The following NEK1 variants were observed in gnomAD, a reference collection of about 807,000 sequenced individuals.
The protein encoded by NEK1 is NIMA related kinase 1, also known as serine/threonine-protein kinase Nek1.
A neutral mutation model predicts 182.1 loss-of-function variants in NEK1; 137 were observed. That is an observed-to-expected ratio of 0.75 (90% CI 0.65 to 0.87). The LOEUF (loss-of-function observed/expected upper bound fraction) is 0.87. NEK1 is among the 40% of genes least tolerant of loss of function. The pLI is 0.00. For missense variants in NEK1, 1,391 were observed against 1,494.4 expected, an observed-to-expected ratio of 0.93 and a Z score of 1.14; for synonymous variants, 513 against 492.2, an observed-to-expected ratio of 1.04 and a Z score of -0.56.
chr4:169,580,246 C>T (rs6839723), intron 11 of NEK1, among the ~76,000 whole-genome samples: 10,849 of 152,106 alleles, frequency 0.071, 1,267 homozygotes, highest in African/African-American at 0.25. Flanking sequence ...CCTGTAATCT[C>T]AGCTCTTTGG....
intron 16 of NEK1, among the ~76,000 whole-genome samples, chr4:169,559,046 G>A (rs553110469): frequency 3.4e-4 from 52 of 152,134 alleles, no homozygotes; most frequent in African/African-American, 1.1e-3. Context: ...TTTAAATCAT[G>A]GAAAATAAAT....
Position 169,562,132 on chromosome 4 carries a change from T to C in NEK1, c.1080+5A>G. The C allele has an allele frequency of 4.6e-6, 7 of 1,526,398 alleles. No individual in the cohort carries two copies. Among genetic ancestry groups the C allele is most frequent in the South Asian group, 1.2e-5 (1 of 81,222 alleles). 94.6% of individuals were successfully genotyped at this position (1,526,398 alleles called of 1,614,324 possible). On this transcript the variant is annotated splice_donor_5th_base_variant and intron_variant, in intron 13 of 35. Coordinates refer to ENST00000507142, the MANE Select transcript of NEK1 (RefSeq NM_001199397.3). ...TTTAAAATAACCAGACAGATGTCTTTATACCTCAGATATTTTCCTCCTTTC... is the reference window on the plus strand; with the variant it reads ...TTTAAAATAACCAGACAGATGTCTTCATACCTCAGATATTTTCCTCCTTTC...
intron 10 of NEK1, among the ~76,000 whole-genome samples, chr4:169,584,342 T>G (rs1245900259): frequency 6.6e-6 from 1 of 152,192 alleles, no homozygotes; most frequent in Non-Finnish European, 1.5e-5. Flanking sequence ...CCAGGCGTGG[T>G]GGCTCATGCC....
chr4:169,597,460 A>G (rs1769708541), intron 5 of NEK1, among the ~76,000 whole-genome samples: 1 of 152,072 alleles, frequency 6.6e-6, no homozygotes, highest in South Asian at 2.1e-4. Context: ...CAAAAAAAAA[A>G]TAATAATAAA....
rs1024909455 is a variant in NEK1 at position 169,580,867 on chromosome 4, C to T, written c.843G>A (p.Ser281=). 17 of 1,530,518 alleles carry T rather than the reference C, an allele frequency of 1.1e-5. No individual in the cohort carries two copies. In the Admixed American group the frequency reaches 2.2e-4, roughly 20 times the overall value. The allele number at this position is 1,530,518 out of a possible 1,614,324, so 94.8% of individuals were successfully genotyped here. ...IAEEFCLKTF[S]KFGSQPIPAK... is the part of the protein sequence containing the mutation. ...CTGGTATAGGCTGTGATCCAAACTT[C>T]GAAAATGTTTTTAGACAAAATTCTT... Residue 281 remains serine (S), a synonymous_variant, in exon 11 of 36, where the codon TCG becomes TCA. Coordinates refer to ENST00000507142, the MANE Select transcript of NEK1 (RefSeq NM_001199397.3).
chr4:169,536,709 T>C (rs111518922), intron 19 of NEK1, among the ~76,000 whole-genome samples: 13,411 of 152,164 alleles, frequency 0.088, 757 homozygotes, highest in African/African-American at 0.16. Flanking sequence ...AGGAATGATG[T>C]TGAGAAAATA....
intron 18 of NEK1, among the ~76,000 whole-genome samples, chr4:169,553,883 T>C (rs1031755250): frequency 1.3e-5 from 2 of 152,234 alleles, no homozygotes; most frequent in Admixed American, 6.5e-5. Flanking sequence ...TCTTAATCAC[T>C]GCTGGCAGGA....
chr4:169,530,230 T>C (rs1468840551), intron 19 of NEK1, among the ~76,000 whole-genome samples: 1 of 152,194 alleles, frequency 6.6e-6, no homozygotes, highest in Non-Finnish European at 1.5e-5. Context: ...ATGAATATCA[T>C]TACAGTGCAG....
rs549081264 is a variant in NEK1 at position 169,597,827 on chromosome 4, G to A, written c.312+1273C>T. On this transcript the variant is annotated intron_variant, in intron 5 of 35. Transcript: ENST00000507142. Reference sequence around the variant, plus strand: ...CAGGCGCCTGTAGTCCCAGCTACTCGGGAGGCTGAGGCAGGAGAATGGCGT... The same window carrying A: ...CAGGCGCCTGTAGTCCCAGCTACTCAGGAGGCTGAGGCAGGAGAATGGCGT... Among the ~76,000 whole-genome samples, 376 of 152,108 alleles carry A rather than the reference G, an allele frequency of 2.5e-3. 2 individuals carry two copies. The highest frequency in any genetic ancestry group is 1.0e-2 in the South Asian group (48 of 4,814).
chr4:169,581,145 A>G (rs1324566118), intron 10 of NEK1, among the ~76,000 whole-genome samples: 1 of 151,262 alleles, frequency 6.6e-6, no homozygotes, highest in Non-Finnish European at 1.5e-5. Flanking sequence ...AAGGAGTTAG[A>G]GTTCAGCCCT....
chr4:169,610,317 T>G (rs1772110463), intron 2 of NEK1, among the ~76,000 whole-genome samples: 1 of 151,550 alleles, frequency 6.6e-6, no homozygotes, highest in Non-Finnish European at 1.5e-5. Context: ...TTTCTTTCTT[T>G]TTTTCTTTTT....
At chr4:169,429,410 T>TA (rs529896506) in intron 29 of NEK1, among the ~76,000 whole-genome samples, 32 of 152,192 alleles carry the variant, frequency 2.1e-4, no homozygotes, top group South Asian at 1.2e-3. Context: ...TTTAAAACGT[T>TA]AAAAAAACTG....
chr4:169,396,100 T>C (rs1730641498), intron 35 of NEK1, among the ~76,000 whole-genome samples: 1 of 152,038 alleles, frequency 6.6e-6, no homozygotes, highest in Non-Finnish European at 1.5e-5. Context: ...GCATAGTGGC[T>C]CATGCCTGTA....
intron 12 of NEK1, among the ~76,000 whole-genome samples, chr4:169,566,042 A>G (rs534469039): frequency 4.2e-4 from 64 of 152,340 alleles, no homozygotes; most frequent in Admixed American, 1.2e-3. Flanking sequence ...AGAGCCCTAC[A>G]TTCCATATTT....
chr4:169,458,606 T>C (rs1743349377), intron 27 of NEK1, among the ~76,000 whole-genome samples: 1 of 151,866 alleles, frequency 6.6e-6, no homozygotes, highest in Non-Finnish European at 1.5e-5. Flanking sequence ...TGCACACTGG[T>C]GGTCCCAGCT....
chr4:169,533,878 C>T (rs1016247537), intron 19 of NEK1, among the ~76,000 whole-genome samples: 8 of 152,136 alleles, frequency 5.3e-5, no homozygotes, highest in African/African-American at 1.7e-4. Context: ...GATAAGTACT[C>T]ACATTGAAAG....
rs72692984 is a variant in NEK1, at chr4:169,588,268, T to C, written c.551+381A>G. 3.9e-3 allele frequency among the ~76,000 whole-genome samples: 601 copies of C among 152,218 alleles called. 5 individuals are homozygous for C. The highest frequency in any genetic ancestry group is 0.03 in the South Asian group (144 of 4,824). On this transcript the variant is annotated intron_variant, in intron 8 of 35. Coordinates refer to ENST00000507142, the MANE Select transcript of NEK1 (RefSeq NM_001199397.3). ...TTCCTTATAAGAAGAGGAGGAATGA[T>C]TAATACCTACATCTCCCAAAATTAT...
At chr4:169,538,470 T>C (rs1222586204) in intron 18 of NEK1, among the ~76,000 whole-genome samples, 2 of 152,224 alleles carry the variant, frequency 1.3e-5, no homozygotes, top group Admixed American at 1.3e-4. Context: ...TTTTAATCTT[T>C]TCCAATTTTA....
At chr4:169,419,810 A>G (rs1052192162) in intron 31 of NEK1, among the ~76,000 whole-genome samples, 2 of 152,204 alleles carry the variant, frequency 1.3e-5, no homozygotes, top group African/African-American at 4.8e-5. Context: ...ACTACACTCA[A>G]TATTATAGAA....
Sources: gnomAD v4.1 joint callset for allele counts (sites outside exome capture counted in the v4.1 genomes callset) on GRCh38, gnomAD v4.1.1 for gene constraint, MANE v1.5 for transcripts, NCBI Gene and HGNC (gene_info 2026-07-23, HGNC 2026-07-21) for gene names.